Variants in ZC4H2 observed in about 807,000 individuals in gnomAD.
ZC4H2 encodes the protein zinc finger C4H2 domain-containing protein.
For synonymous variants in ZC4H2, 84 were observed against 66.3 expected, an observed-to-expected ratio of 1.27 and a Z score of -1.30; for missense variants, 137 against 173.9, an observed-to-expected ratio of 0.79 and a Z score of 1.19.
intron 1 of ZC4H2, among the ~76,000 whole-genome samples, chrX:64,967,650 C>A (rs1464142311): frequency 1.8e-5 from 2 of 111,598 alleles, no homozygotes; most frequent in Non-Finnish European, 3.8e-5. Context: ...ATTCCCTGGG[C>A]TCGTCAGAAC....
At chrX:64,974,384 G>C (rs923330206) in intron 1 of ZC4H2, among the ~76,000 whole-genome samples, 3 of 112,374 alleles carry the variant, frequency 2.7e-5, no homozygotes, top group Non-Finnish European at 5.6e-5. Context: ...GGTGCTTTAA[G>C]ATCCTTATCA....
intron 1 of ZC4H2, among the ~76,000 whole-genome samples, chrX:64,940,848 T>C (rs1369016695): frequency 2.7e-5 from 3 of 112,064 alleles, no homozygotes; most frequent in Non-Finnish European, 5.6e-5. Flanking sequence ...CCCAGCTTTG[T>C]TCTTTTTGCT....
At chrX:64,934,948 C>T (rs748877692) in intron 1 of ZC4H2, among the ~76,000 whole-genome samples, 4 of 106,915 alleles carry the variant, frequency 3.7e-5, no homozygotes, top group Middle Eastern at 4.8e-3. Context: ...TTTTTTTTTT[C>T]CCCCATACCT....
intron 1 of ZC4H2, among the ~76,000 whole-genome samples, chrX:64,974,214 G>T (rs1931870506): frequency 9.0e-6 from 1 of 111,386 alleles, no homozygotes. Flanking sequence ...GTTTTTTGGG[G>T]TTTTTATGTT....
chrX:64,965,440 C>A, intron 1 of ZC4H2: 1 of 315,928 alleles, frequency 3.2e-6, no homozygotes, highest in Non-Finnish European at 6.1e-6. Flanking sequence ...AAAAGAAAAT[C>A]CTTAACCCGT....
At chrX:64,951,076 G>A (rs916418746) in intron 1 of ZC4H2, among the ~76,000 whole-genome samples, 7 of 111,009 alleles carry the variant, frequency 6.3e-5, no homozygotes, top group Admixed American at 1.9e-4. Flanking sequence ...TTGTCCTTGC[G>A]ATAGTTTACT....
chrX:64,963,386 G>A (rs1274378399), intron 1 of ZC4H2, among the ~76,000 whole-genome samples: 2 of 111,624 alleles, frequency 1.8e-5, no homozygotes, highest in Non-Finnish European at 3.8e-5. Context: ...TGATTTAATG[G>A]ATATGACACC....
At chrX:64,954,187 G>A (rs1931020458) in intron 1 of ZC4H2, among the ~76,000 whole-genome samples, 1 of 103,068 alleles carries the variant, frequency 9.7e-6, no homozygotes, top group South Asian at 4.4e-4. Flanking sequence ...GGGAATTGGG[G>A]AGATATAGCA....
In ZC4H2 at chrX:64,916,174, T is replaced by C. The variant is rs1928912990; in HGVS notation, c.*1609A>G. 1 of 111,695 alleles carries C rather than the reference T, an allele frequency of 9.0e-6. No homozygotes were observed. Among genetic ancestry groups the C allele is most frequent in the Non-Finnish European group, 1.9e-5 (1 of 53,154 alleles). The allele number at this position is 111,695 out of a possible 1,213,427, so 9.2% of individuals were successfully genotyped here. ...GTTCAGTATCCCTTTTTTTTTAAAA[T>C]GGTGATAAGAATACTTAGCTTGTAA... On this transcript the variant is annotated 3_prime_UTR_variant, in exon 5 of 5. Transcript: ENST00000374839.
chrX:64,944,661 C>A (rs867375437), intron 1 of ZC4H2, among the ~76,000 whole-genome samples: 1 of 111,354 alleles, frequency 9.0e-6, no homozygotes, highest in Non-Finnish European at 1.9e-5. Flanking sequence ...TGGATAATAT[C>A]CTGAAGAGTG....
rs1555942026 is a variant in ZC4H2, at chrX:64,954,356, T to TA, written c.53+21968_53+21969insT. 3.9e-4 allele frequency among the ~76,000 whole-genome samples: 26 copies of TA among 67,380 alleles called. 5 individuals are homozygous for TA. Among genetic ancestry groups the TA allele is most frequent in the African/African-American group, 3.5e-3 (25 of 7,198 alleles). The allele number at this position is 67,380 out of a possible 115,157, so 58.5% of individuals were successfully genotyped here. On this transcript the variant is annotated intron_variant, in intron 1 of 4. Coordinates refer to ENST00000374839, the MANE Select transcript of ZC4H2 (RefSeq NM_018684.4). ...TATATATAATTATATATATATATAA[T>TA]TATATATATATATATAATTATATAT...
intron 1 of ZC4H2, among the ~76,000 whole-genome samples, chrX:65,030,053 C>A (rs891300238): frequency 2.7e-5 from 3 of 112,342 alleles, no homozygotes; most frequent in Non-Finnish European, 3.8e-5. Context: ...CATACAGACA[C>A]AAAGGGTTCA....
rs374628579 is a variant in ZC4H2, at chrX:64,921,998, G to A, written c.54-10C>T. The A allele has an allele frequency of 3.3e-6, 4 of 1,205,206 alleles. No individual in the cohort carries two copies. Among genetic ancestry groups the A allele is most frequent in the Non-Finnish European group, 4.5e-6 (4 of 893,136 alleles). ...CTGCAGGGTCTTGTTCCTGCAATTT[G>A]CAAAAAGCAGGAAACAGGCCAGCAA... is the stretch of plus-strand genomic sequence containing the variant. On this transcript the variant is annotated splice_polypyrimidine_tract_variant and intron_variant, in intron 1 of 4. Transcript: ENST00000374839.
chrX:64,921,723 G>A, intron 2 of ZC4H2, 94 bp downstream of exon 2: 1 of 987,416 alleles, frequency 1.0e-6, no homozygotes, highest in Non-Finnish European at 1.4e-6. Context: ...TGCTCCCCGA[G>A]CTAGGCCTAA....
At chrX:64,928,347 C>A (rs965531864) in intron 1 of ZC4H2, among the ~76,000 whole-genome samples, 5 of 111,922 alleles carry the variant, frequency 4.5e-5, no homozygotes, top group African/African-American at 1.6e-4. Flanking sequence ...TTATGGCTAG[C>A]CAGTTTTCCC....
intron 1 of ZC4H2, among the ~76,000 whole-genome samples, chrX:64,959,993 T>C (rs73512577): frequency 0.082 from 9,105 of 110,728 alleles, 1,020 homozygotes; most frequent in African/African-American, 0.29. Flanking sequence ...CTCCCAGGCA[T>C]AACTAAAAAC....
At chrX:64,956,442 A>C (rs1264974039) in intron 1 of ZC4H2, among the ~76,000 whole-genome samples, 1 of 111,274 alleles carries the variant, frequency 9.0e-6, no homozygotes. Flanking sequence ...TCTATAGAAT[A>C]TCAAATGGTC....
At chrX:65,021,540 A>G (rs973813483) in intron 1 of ZC4H2, among the ~76,000 whole-genome samples, 1 of 111,563 alleles carries the variant, frequency 9.0e-6, no homozygotes, top group African/African-American at 3.3e-5. Context: ...AGGGAAATTT[A>G]TAGCACTAAT....
chrX:65,010,625 A>C (rs768471394), intron 1 of ZC4H2, among the ~76,000 whole-genome samples: 13 of 111,894 alleles, frequency 1.2e-4, no homozygotes, highest in Admixed American at 4.7e-4. Flanking sequence ...ATTCCTCCCC[A>C]AATCTCTCCT....
Sources: gnomAD v4.1 joint callset for allele counts (sites outside exome capture counted in the v4.1 genomes callset) on GRCh38, gnomAD v4.1.1 for gene constraint, MANE v1.5 for transcripts, NCBI Gene and HGNC (gene_info 2026-07-23, HGNC 2026-07-21) for gene names.